Variants in SAMD12 observed in about 807,000 individuals in gnomAD.
SAMD12 encodes sterile alpha motif domain containing 12, also known as sterile alpha motif domain-containing protein 12.
SAMD12 carries 9 observed loss-of-function variants against 15.0 expected under a neutral mutation model. The observed-to-expected ratio is 0.60, with a 90% CI of 0.36 to 1.05. SAMD12 has a LOEUF of 1.05. Ranked by LOEUF, SAMD12 falls within the 50% of genes least tolerant of loss-of-function variation. The pLI is 0.01. For missense variants in SAMD12, 230 were observed against 234.2 expected, an observed-to-expected ratio of 0.98 and a Z score of 0.12; for synonymous variants, 86 against 90.1, an observed-to-expected ratio of 0.96 and a Z score of 0.25.
the SAMD12 span, among the ~76,000 whole-genome samples, chr8:118,148,270 C>T: frequency 6.6e-6 from 1 of 152,050 alleles, no homozygotes; most frequent in African/African-American, 2.4e-5. Context: ...TGCTATGCTG[C>T]TCAGGCTGGT....
chr8:118,443,462 T>C (rs370289873), intron 2 of SAMD12, among the ~76,000 whole-genome samples: 1 of 149,026 alleles, frequency 6.7e-6, no homozygotes, highest in Non-Finnish European at 1.5e-5. Context: ...TCTCAAAAAA[T>C]AAAAAACACT....
chr8:118,245,849 G>A (rs544975186), intron 4 of SAMD12, among the ~76,000 whole-genome samples: 1 of 152,156 alleles, frequency 6.6e-6, no homozygotes, highest in East Asian at 1.9e-4. Flanking sequence ...GGAAGGGGAG[G>A]GGTTAAGTTG....
intron 3 of SAMD12, among the ~76,000 whole-genome samples, chr8:118,426,944 T>G (rs978545003): frequency 3.3e-5 from 5 of 152,168 alleles, no homozygotes; most frequent in Non-Finnish European, 7.3e-5. Flanking sequence ...CAATTTAACT[T>G]GTCTATGAAA....
At chr8:118,285,095 C>G (rs1046046262) in intron 4 of SAMD12, 4 of 152,022 alleles carry the variant, frequency 2.6e-5, no homozygotes, top group Non-Finnish European at 5.9e-5. Context: ...CCTGAGTCCC[C>G]ATTCAACTTT....
intron 4 of SAMD12, among the ~76,000 whole-genome samples, chr8:118,206,972 G>A (rs1391211133): frequency 6.6e-6 from 1 of 152,208 alleles, no homozygotes; most frequent in African/African-American, 2.4e-5. Context: ...TTTGTCAAAT[G>A]AGTGAGTGAA....
chr8:118,253,813 G>A (rs1253597880), intron 4 of SAMD12, among the ~76,000 whole-genome samples: 3 of 152,106 alleles, frequency 2.0e-5, no homozygotes, highest in Non-Finnish European at 2.9e-5. Flanking sequence ...TGATTTCTGC[G>A]AAATCAAAAC....
At chr8:118,351,137 T>TA (rs1174547250) in intron 4 of SAMD12, among the ~76,000 whole-genome samples, 1 of 152,208 alleles carries the variant, frequency 6.6e-6, no homozygotes, top group African/African-American at 2.4e-5. Flanking sequence ...AATATTAATG[T>TA]AAAAAGATGC....
At chr8:118,218,159 A>T (rs890363187) in intron 4 of SAMD12, among the ~76,000 whole-genome samples, 3 of 152,202 alleles carry the variant, frequency 2.0e-5, no homozygotes, top group African/African-American at 7.2e-5. Context: ...AACTCTTATT[A>T]TCAAGTTATT....
chr8:118,469,545 T>TAATATATATTTATA, intron 2 of SAMD12, among the ~76,000 whole-genome samples: 1 of 2,212 alleles, frequency 4.5e-4, no homozygotes, highest in East Asian at 6.0e-3. Flanking sequence ...ATATATTATA[T>TAATATATATTTATA]TATTATATAT....
intron 4 of SAMD12, among the ~76,000 whole-genome samples, chr8:118,341,575 A>C (rs548061022): frequency 6.6e-6 from 1 of 152,306 alleles, no homozygotes; most frequent in Non-Finnish European, 1.5e-5. Context: ...GTCTGGGATC[A>C]GGATGCCAGC....
At chr8:118,277,162 T>A (rs1813494534) in intron 4 of SAMD12, among the ~76,000 whole-genome samples, 1 of 152,192 alleles carries the variant, frequency 6.6e-6, no homozygotes, top group Non-Finnish European at 1.5e-5. Context: ...TTCTGGTTTT[T>A]TGTGAAGGAC....
chr8:118,254,410 T>C (rs1251332977), intron 4 of SAMD12, among the ~76,000 whole-genome samples: 5 of 152,130 alleles, frequency 3.3e-5, no homozygotes, highest in African/African-American at 1.2e-4. Context: ...GTTCCAGAGA[T>C]TTTGATTCAT....
intron 3 of SAMD12, among the ~76,000 whole-genome samples, chr8:118,401,101 T>A (rs1820846925): frequency 6.6e-6 from 1 of 152,216 alleles, no homozygotes; most frequent in Non-Finnish European, 1.5e-5. Context: ...TAATTGAATA[T>A]CAAATTTTAT....
intron 2 of SAMD12, among the ~76,000 whole-genome samples, chr8:118,562,116 C>T (rs7836582): frequency 0.72 from 110,297 of 152,190 alleles, 40,403 homozygotes; most frequent in African/African-American, 0.79. Flanking sequence ...ACCATACACA[C>T]TGGATTTTCC....
the SAMD12 span, among the ~76,000 whole-genome samples, chr8:118,143,957 A>G: frequency 3.9e-5 from 6 of 152,326 alleles, no homozygotes; most frequent in South Asian, 1.2e-3. Flanking sequence ...GCAGTTCTGA[A>G]GACCAGAAAT....
chr8:118,555,551 C>A (rs1434567062), intron 2 of SAMD12, among the ~76,000 whole-genome samples: 2 of 152,180 alleles, frequency 1.3e-5, no homozygotes, highest in African/African-American at 2.4e-5. Flanking sequence ...ACATACAAAG[C>A]CTTTTGTTAA....
At chr8:118,491,078 A>T (rs2515047) in intron 2 of SAMD12, among the ~76,000 whole-genome samples, 67,655 of 151,974 alleles carry the variant, frequency 0.45, 15,505 homozygotes, top group East Asian at 0.63. Context: ...ACATGACTAT[A>T]CCCAGACTGG....
In SAMD12 at chr8:118,336,098, TAAGATTTGGC is replaced by T. The variant is rs1385621491; in HGVS notation, c.433+43452_433+43461del. Among the ~76,000 whole-genome samples the T allele has an allele frequency of 5.9e-5, 9 of 152,286 alleles. No individual in the cohort carries two copies. The East Asian group carries it at 1.2e-3, about 20-fold the overall frequency. ...ACTTCCATGCTACAAATTAGTTCAT[TAAGATTTGGC>T]AAGATTTGGCATCAGTAATCTGATG... On this transcript the variant is annotated intron_variant, in intron 4 of 4. Transcript: ENST00000409003.
At chr8:118,183,704 G>C in the SAMD12 span, among the ~76,000 whole-genome samples, 2 of 152,042 alleles carry the variant, frequency 1.3e-5, no homozygotes, top group African/African-American at 4.8e-5. Flanking sequence ...AGCTTTAGGG[G>C]TACAAGTGGT....
Sources: allele counts gnomAD v4.1 joint callset (sites outside exome capture counted in the v4.1 genomes callset), GRCh38; gene constraint gnomAD v4.1.1; transcripts MANE v1.5; gene names NCBI Gene and HGNC (gene_info 2026-07-23, HGNC 2026-07-21).